The following CERS3 variants were observed in gnomAD, a reference collection of about 807,000 sequenced individuals.
CERS3 encodes the protein ceramide synthase 3, also known as LAG1 homolog, ceramide synthase 3.
In CERS3, 33 loss-of-function variants were observed where a neutral mutation model predicts 50.3. That is an observed-to-expected ratio of 0.66 (90% CI 0.50 to 0.88). The LOEUF (loss-of-function observed/expected upper bound fraction) is 0.88, where lower values mean the gene tolerates loss of function less well. Ranked by LOEUF, CERS3 falls within the 40% of genes least tolerant of loss-of-function variation. The pLI is 0.00. For synonymous variants in CERS3, 176 were observed against 155.2 expected, an observed-to-expected ratio of 1.13 and a Z score of -0.99; for missense variants, 470 against 460.3, an observed-to-expected ratio of 1.02 and a Z score of -0.19.
intron 4 of CERS3, among the ~76,000 whole-genome samples, chr15:100,488,787 T>TG (rs1220697885): frequency 6.6e-6 from 1 of 151,672 alleles, no homozygotes; most frequent in African/African-American, 2.4e-5. Flanking sequence ...TAACTGTTTT[T>TG]TTTTTTTTTA....
rs751070604 is a variant in CERS3, at chr15:100,401,227, C to G, written c.*1486G>C. ...ATAGGATGAACATACAAAATCTGAC[C>G]GTTATGAGAGACTGTGCCAGGTGGT... On this transcript the variant is annotated 3_prime_UTR_variant, in exon 12 of 12. Transcript: ENST00000679737. 3 of 152,098 alleles carry G rather than the reference C, an allele frequency of 2.0e-5. No homozygotes were observed. The highest frequency in any genetic ancestry group is 6.6e-5 in the Admixed American group (1 of 15,264). 9.4% of individuals were successfully genotyped at this position (152,098 alleles called of 1,614,324 possible).
chr15:100,445,560 C>G (rs923248960), intron 11 of CERS3, among the ~76,000 whole-genome samples: 47 of 152,132 alleles, frequency 3.1e-4, no homozygotes, highest in Non-Finnish European at 6.3e-4. Flanking sequence ...CAGGCCATCA[C>G]CAATAATTCT....
intron 2 of CERS3, among the ~76,000 whole-genome samples, chr15:100,513,138 C>G (rs990414926): frequency 1.3e-5 from 2 of 152,174 alleles, no homozygotes; most frequent in Non-Finnish European, 2.9e-5. Flanking sequence ...ATGTGTTTCT[C>G]TTGGCTCTGT....
intron 11 of CERS3, among the ~76,000 whole-genome samples, chr15:100,406,499 C>A (rs2031035885): frequency 6.6e-6 from 1 of 152,174 alleles, no homozygotes; most frequent in Non-Finnish European, 1.5e-5. Flanking sequence ...AGAAATTCAA[C>A]TTCATGGGGC....
At chr15:100,491,221 A>G (rs975643684) in intron 3 of CERS3, among the ~76,000 whole-genome samples, 12 of 152,310 alleles carry the variant, frequency 7.9e-5, no homozygotes, top group East Asian at 3.9e-4. Context: ...TTCTACTTAG[A>G]ATTTTAAAGA....
intron 10 of CERS3, among the ~76,000 whole-genome samples, chr15:100,457,113 A>G (rs1208652456): frequency 6.6e-6 from 1 of 152,192 alleles, no homozygotes; most frequent in African/African-American, 2.4e-5. Flanking sequence ...AATTGTCCAT[A>G]ACACCATCAC....
At chr15:100,476,260 C>G in intron 7 of CERS3, 82 bp from the exon 8 acceptor site, 1 of 740,344 alleles carries the variant, frequency 1.4e-6, no homozygotes, top group Non-Finnish European at 2.2e-6. Context: ...TCCTTTTATA[C>G]CTATTTATAT....
At chr15:100,445,021 T>C (rs1350728762) in intron 11 of CERS3, among the ~76,000 whole-genome samples, 1 of 152,018 alleles carries the variant, frequency 6.6e-6, no homozygotes, top group Non-Finnish European at 1.5e-5. Context: ...AACGGACTAA[T>C]GGTCTTTTAA....
At chr15:100,490,116 C>T (rs1348684751) in intron 4 of CERS3, among the ~76,000 whole-genome samples, 1 of 152,206 alleles carries the variant, frequency 6.6e-6, no homozygotes, top group Non-Finnish European at 1.5e-5. Context: ...TTTGTTTCAT[C>T]TGTCATTTTA....
At chr15:100,493,737 C>T (rs1309707783) in intron 3 of CERS3, among the ~76,000 whole-genome samples, 1 of 152,178 alleles carries the variant, frequency 6.6e-6, no homozygotes, top group Non-Finnish European at 1.5e-5. Context: ...ACACTGCTGA[C>T]TCTTTCTTAT....
intron 11 of CERS3, among the ~76,000 whole-genome samples, chr15:100,450,825 T>C (rs1416106074): frequency 6.6e-6 from 1 of 152,000 alleles, no homozygotes; most frequent in African/African-American, 2.4e-5. Flanking sequence ...TCTAGTCACC[T>C]GTAAGGGAAC....
At chr15:100,521,497 T>C (rs1211856880) in intron 2 of CERS3, among the ~76,000 whole-genome samples, 170 bp downstream of exon 2, 1 of 152,190 alleles carries the variant, frequency 6.6e-6, no homozygotes, top group African/African-American at 2.4e-5. Flanking sequence ...TACAAATCTA[T>C]AGTATTTCAT....
At chr15:100,519,800 A>G (rs572815557) in intron 2 of CERS3, among the ~76,000 whole-genome samples, 50 of 152,352 alleles carry the variant, frequency 3.3e-4, no homozygotes, top group Non-Finnish European at 6.8e-4. Context: ...TTCCACAGCA[A>G]TTCTGAAATT....
At chr15:100,469,608 G>A (rs1239390809) in intron 9 of CERS3, 124 bp from the exon 10 acceptor site, 19 of 651,170 alleles carry the variant, frequency 2.9e-5, no homozygotes, top group South Asian at 2.8e-4. Flanking sequence ...AAAGTAGGGG[G>A]TACAGGTGGG....
intron 10 of CERS3, among the ~76,000 whole-genome samples, chr15:100,457,013 A>G (rs2034396486): frequency 6.6e-6 from 1 of 151,968 alleles, no homozygotes; most frequent in African/African-American, 2.4e-5. Context: ...CTTATATAGC[A>G]CTATGAATTT....
intron 2 of CERS3, among the ~76,000 whole-genome samples, chr15:100,506,470 C>CCTG (rs3084750): frequency 1.5e-5 from 2 of 133,512 alleles, no homozygotes; most frequent in Non-Finnish European, 3.1e-5. Flanking sequence ...GACCCCCCCG[C>CCTG]CGCCCCACAC....
intron 2 of CERS3, among the ~76,000 whole-genome samples, chr15:100,516,522 C>T (rs1288534917): frequency 2.6e-5 from 4 of 152,120 alleles, no homozygotes; most frequent in South Asian, 2.1e-4. Context: ...GCTGGGTAAG[C>T]GTTATACAGT....
Position 100,534,080 on chromosome 15 carries a change from C to T in CERS3, c.-354-5005G>A, listed in dbSNP as rs185026271. Among the ~76,000 whole-genome samples the T allele has an allele frequency of 1.9e-3, 283 of 152,296 alleles. 3 individuals are homozygous for T. Among genetic ancestry groups the T allele is most frequent in the African/African-American group, 6.5e-3 (269 of 41,560 alleles). On this transcript the variant is annotated intron_variant, in intron 1 of 12. Transcript: ENST00000284382. ...TCACCATGTGAGCAGGCTCTCAACA[C>T]GACTGTCTCTCTCAGCTCACCACTC...
intron 11 of CERS3, among the ~76,000 whole-genome samples, chr15:100,436,940 G>A (rs2033438884): frequency 6.8e-6 from 1 of 147,388 alleles, no homozygotes; most frequent in South Asian, 2.1e-4. Flanking sequence ...GTTCTTTCCT[G>A]ACTTTTTTTT....
Sources: allele counts gnomAD v4.1 joint callset (sites outside exome capture counted in the v4.1 genomes callset), GRCh38; gene constraint gnomAD v4.1.1; transcripts MANE v1.5; gene names NCBI Gene and HGNC (gene_info 2026-07-23, HGNC 2026-07-21).